TEKT5: variants seen among roughly 807,000 people sequenced by gnomAD.
TEKT5 encodes tektin 5.
In TEKT5, 52 loss-of-function variants were observed where a neutral mutation model predicts 48.7. The ratio of observed to expected loss-of-function variants is 1.07; its 90% CI spans 0.86 to 1.35. The LOEUF (loss-of-function observed/expected upper bound fraction) is 1.35. TEKT5 is among the 40% of genes most tolerant of loss of function. TEKT5 has a pLI of 0.00. For missense variants in TEKT5, 831 were observed against 641.6 expected (o/e 1.30, Z -3.19); for synonymous variants, 318 against 267.6 (o/e 1.19, Z -1.84).
intron 3 of TEKT5, among the ~76,000 whole-genome samples, chr16:10,688,741 T>C (rs1004185427): frequency 1.3e-5 from 2 of 152,234 alleles, no homozygotes; most frequent in African/African-American, 4.8e-5. Flanking sequence ...ACTGGTTACA[T>C]AATCTTGTAA....
At chr16:10,689,035 C>A (rs1898915779) in intron 3 of TEKT5, among the ~76,000 whole-genome samples, 1 of 152,104 alleles carries the variant, frequency 6.6e-6, no homozygotes, top group South Asian at 2.1e-4. Flanking sequence ...TTAAAATCAG[C>A]CACTGTGGTA....
intron 5 of TEKT5, among the ~76,000 whole-genome samples, chr16:10,663,240 T>C (rs2142288753): frequency 6.6e-6 from 1 of 152,320 alleles, no homozygotes; most frequent in South Asian, 2.1e-4. Flanking sequence ...AGCAGAGATA[T>C]GTTTGGCAGG....
intron 5 of TEKT5, 31 bp downstream of exon 5, chr16:10,675,928 G>C (rs1046108219): frequency 6.2e-7 from 1 of 1,606,632 alleles, no homozygotes; most frequent in Admixed American, 1.7e-5. Context: ...GCTTGGCAGA[G>C]AAGGCAGGGG....
Position 10,668,433 on chromosome 16 carries a change from G to T in TEKT5, c.1086+7526C>A, listed in dbSNP as rs2719689. The stretch of plus-strand genomic sequence containing the variant: ...AGCTCCACTTCCCCAGGGCTGGGCC[G>T]GTTTTAGAAACCAGCCGTCAGTAGC... On this transcript the variant is annotated intron_variant, in intron 5 of 6. Coordinates refer to ENST00000283025, the MANE Select transcript of TEKT5 (RefSeq NM_144674.2). 1.6e-3 allele frequency among the ~76,000 whole-genome samples: 239 copies of T among 152,290 alleles called. 2 individuals are homozygous for T. Among genetic ancestry groups the T allele is most frequent in the African/African-American group, 5.5e-3 (230 of 41,562 alleles).
At chr16:10,672,918 G>A (rs1209972903) in intron 5 of TEKT5, among the ~76,000 whole-genome samples, 1 of 151,006 alleles carries the variant, frequency 6.6e-6, no homozygotes, top group African/African-American at 2.4e-5. Flanking sequence ...GTGCAGTGGT[G>A]CAATCACAGC....
intron 5 of TEKT5, among the ~76,000 whole-genome samples, chr16:10,668,806 G>C (rs191290071): frequency 6.6e-6 from 1 of 152,218 alleles, no homozygotes; most frequent in African/African-American, 2.4e-5. Context: ...GCCTGTCTGA[G>C]TTTCCTCTGA....
chr16:10,640,865 T>C (rs915143719), intron 5 of TEKT5, among the ~76,000 whole-genome samples: 2 of 152,194 alleles, frequency 1.3e-5, no homozygotes, highest in African/African-American at 2.4e-5. Flanking sequence ...ACAATTTTCA[T>C]CTAGCCACCT....
chr16:10,674,594 G>A (rs1898609436), intron 5 of TEKT5, among the ~76,000 whole-genome samples: 1 of 137,922 alleles, frequency 7.3e-6, no homozygotes, highest in Admixed American at 7.6e-5. Context: ...CTCCAGCCTG[G>A]GCAACAGAGC....
intron 5 of TEKT5, among the ~76,000 whole-genome samples, chr16:10,665,867 G>A (rs985504314): frequency 1.3e-5 from 2 of 152,184 alleles, no homozygotes; most frequent in African/African-American, 4.8e-5. Flanking sequence ...GAGAGCTATA[G>A]CCTGAGATAG....
rs903296591 is a variant in TEKT5, at chr16:10,676,190, G to A, written c.864-9C>T. The A allele has an allele frequency of 6.2e-7, 1 of 1,613,626 alleles. No homozygotes were observed. Among genetic ancestry groups the A allele is most frequent in the African/African-American group, 1.3e-5 (1 of 74,936 alleles). On this transcript the variant is annotated splice_polypyrimidine_tract_variant and intron_variant, in intron 4 of 6. Coordinates refer to ENST00000283025, the MANE Select transcript of TEKT5 (RefSeq NM_144674.2). Reference sequence around the variant, plus strand: ...TCTCAGGTACGGAGATCCTGCAAAGGCACAAGGGTGAGTTGCAGCAGTCCT... The same window carrying A: ...TCTCAGGTACGGAGATCCTGCAAAGACACAAGGGTGAGTTGCAGCAGTCCT...
chr16:10,693,628 T>C (rs376836315), intron 1 of TEKT5, among the ~76,000 whole-genome samples: 6 of 152,232 alleles, frequency 3.9e-5, no homozygotes, highest in East Asian at 1.9e-4. Context: ...GAGACTATAC[T>C]GTATTCTAAT....
At chr16:10,661,437 A>G (rs974016397) in intron 5 of TEKT5, among the ~76,000 whole-genome samples, 1 of 152,162 alleles carries the variant, frequency 6.6e-6, no homozygotes, top group Non-Finnish European at 1.5e-5. Context: ...CTACATTTTT[A>G]CAAACTCCCA....
At chr16:10,653,418 G>A (rs1407953645) in intron 5 of TEKT5, among the ~76,000 whole-genome samples, 1 of 152,218 alleles carries the variant, frequency 6.6e-6, no homozygotes, top group Admixed American at 6.5e-5. Flanking sequence ...CTGTACACCT[G>A]GGGACAGGTT....
In TEKT5 at chr16:10,627,687, G is replaced by A. The variant is rs2142250211; in HGVS notation, c.1354C>T (p.His452Tyr). The A allele has an allele frequency of 1.9e-6, 3 of 1,614,224 alleles. No homozygotes were observed. The highest frequency in any genetic ancestry group is 2.5e-6 in the Non-Finnish European group (3 of 1,180,048). Reference protein sequence around the residue: ...LLVMTKCRLEHELAIKANTLC... With the variant: ...LLVMTKCRLEYELAIKANTLC... ...GTGTTGGCCTTGATGGCGAGCTCGTGCTCCAGCCGGCACTTGGTCATGACC... is the reference window on the plus strand; with the variant it reads ...GTGTTGGCCTTGATGGCGAGCTCGTACTCCAGCCGGCACTTGGTCATGACC... The change falls in exon 7 of 7, where the codon CAC (histidine) becomes TAC (tyrosine). Residue 452 changes from histidine to tyrosine, a missense_variant. His to Tyr is a moderately conservative substitution (Grantham distance 83). Transcript: ENST00000283025.
intron 5 of TEKT5, among the ~76,000 whole-genome samples, chr16:10,661,276 C>T (rs1898365870): frequency 6.6e-6 from 1 of 152,166 alleles, no homozygotes; most frequent in Admixed American, 6.5e-5. Flanking sequence ...CTGTCCATCT[C>T]ATGTAAGTCT....
Position 10,675,959 on chromosome 16 carries a change from C to T in TEKT5, c.1086G>A (p.Lys362=). 6.2e-7 allele frequency: 1 copy of T among 1,614,118 alleles called. No individual in the cohort carries two copies. The highest frequency in any genetic ancestry group is 1.1e-5 in the South Asian group (1 of 91,072). ...AGGGGTCCTGGGAGGATCTGCTCAC[C>T]TTCGCCAGCTGCGTCTGCAGCTTAT... ...VKNKLQTQLA[K]TLQEIFQAEN... is the part of the protein sequence containing the mutation. The change falls in exon 5 of 7, where the codon AAG becomes AAA. Residue 362 remains lysine (K), a splice_region_variant and synonymous_variant. Coordinates refer to ENST00000283025, the MANE Select transcript of TEKT5 (RefSeq NM_144674.2).
At chr16:10,686,984 A>G (rs1461255010) in intron 3 of TEKT5, among the ~76,000 whole-genome samples, 2 of 152,262 alleles carry the variant, frequency 1.3e-5, no homozygotes, top group Admixed American at 1.3e-4. Flanking sequence ...TAAGTCAGGC[A>G]CAGAAAGACA....
chr16:10,684,586 T>G (rs982766728), intron 3 of TEKT5, among the ~76,000 whole-genome samples: 3 of 151,914 alleles, frequency 2.0e-5, no homozygotes, highest in Non-Finnish European at 4.4e-5. Context: ...CCTGGAGAAA[T>G]GGGGCCCTGT....
At chr16:10,665,982 C>A (rs1364625712) in intron 5 of TEKT5, among the ~76,000 whole-genome samples, 1 of 152,214 alleles carries the variant, frequency 6.6e-6, no homozygotes, top group Non-Finnish European at 1.5e-5. Context: ...CGCGGTGGCT[C>A]AGGCCTGTAA....
Sources: gnomAD v4.1 joint callset for allele counts (sites outside exome capture counted in the v4.1 genomes callset) on GRCh38, gnomAD v4.1.1 for gene constraint, MANE v1.5 for transcripts, NCBI Gene and HGNC (gene_info 2026-07-23, HGNC 2026-07-21) for gene names.